LYRM4: variants seen among roughly 807,000 people sequenced by gnomAD.
LYRM4 encodes the protein LYR motif containing 4, also known as LYR motif-containing protein 4.
Under a neutral mutation model 11.7 loss-of-function variants are expected in LYRM4, and 9 were observed. That is an observed-to-expected ratio of 0.77 (90% CI 0.46 to 1.34). LYRM4 has a LOEUF of 1.34. LYRM4 is among the 40% of genes most tolerant of loss of function. The probability of loss-of-function intolerance (pLI) is 0.00; values close to 1 mark genes in which losing one functional copy is unlikely to be tolerated. For missense variants in LYRM4, 133 were observed against 112.5 expected (o/e 1.18, Z -0.82); for synonymous variants, 42 against 40.4 (o/e 1.04, Z -0.15).
chr6:5,055,721 A>G, the LYRM4 span, among the ~76,000 whole-genome samples: 3 of 152,158 alleles, frequency 2.0e-5, no homozygotes, highest in Non-Finnish European at 2.9e-5. This position sits in a 1 kb window ranked among gnomAD's most constrained non-coding sequence, Gnocchi z 4.5. Flanking sequence ...AAGTGGGAGA[A>G]AGGATCCTTA....
At chr6:5,072,803 T>C in the LYRM4 span, among the ~76,000 whole-genome samples, 82 of 152,230 alleles carry the variant, frequency 5.4e-4, no homozygotes, top group African/African-American at 1.9e-3. Context: ...GCCTGAAGCT[T>C]TTCTAATTAT....
At chr6:5,159,033 G>A (rs560734568) in intron 2 of LYRM4, among the ~76,000 whole-genome samples, 2 of 152,350 alleles carry the variant, frequency 1.3e-5, no homozygotes, top group South Asian at 4.1e-4. Flanking sequence ...TGGGATCATG[G>A]AAATTCTAAT....
chr6:5,106,573 T>C (rs685187), downstream of LYRM4: 54,193 of 151,990 alleles, frequency 0.36, 10,572 homozygotes, highest in African/African-American at 0.51. Context: ...CCTAAAGCAA[T>C]CTAGCCAATT....
chr6:5,220,472 A>T (rs1762518971), intron 1 of LYRM4, among the ~76,000 whole-genome samples: 2 of 152,164 alleles, frequency 1.3e-5, no homozygotes, highest in African/African-American at 4.8e-5. Context: ...GTATCCTAGG[A>T]ACAATAAAAG....
the LYRM4 span, among the ~76,000 whole-genome samples, chr6:5,063,385 C>T: frequency 2.0e-5 from 3 of 151,928 alleles, no homozygotes; most frequent in East Asian, 1.9e-4. Context: ...GTTAGCCAAC[C>T]GCCCATTTCC....
the LYRM4 span, among the ~76,000 whole-genome samples, chr6:5,058,530 C>G: frequency 2.0e-5 from 3 of 152,218 alleles, no homozygotes; most frequent in Non-Finnish European, 2.9e-5. Context: ...CCTGGATTCT[C>G]TCTGTCCTCC....
At chr6:5,147,806 C>T (rs1420037227) in intron 2 of LYRM4, among the ~76,000 whole-genome samples, 3 of 152,082 alleles carry the variant, frequency 2.0e-5, no homozygotes, top group African/African-American at 4.8e-5. Context: ...TCTGTCTCAT[C>T]GCTCCTTCCT....
intron 2 of LYRM4, among the ~76,000 whole-genome samples, chr6:5,124,890 C>A (rs1410161569): frequency 1.3e-5 from 2 of 152,212 alleles, no homozygotes; most frequent in African/African-American, 4.8e-5. Context: ...CCATCCAGCA[C>A]CAGCCACACT....
At chr6:5,101,968 C>CATTTTTTTTTTTTTTTTTTTTTTTTTTT (rs556454653), downstream of LYRM4, among the ~76,000 whole-genome samples, 3 of 67,988 alleles carry the variant, frequency 4.4e-5, no homozygotes, top group Admixed American at 2.0e-4. Context: ...CTAATGCTTT[C>CATTTTTTTTTTTTTTTTTTTTTTTTTTT]TTTTTTTTTT....
chr6:5,245,112 AAATATATATATATATATATATATATATAT>A (rs1417498676), intron 1 of LYRM4, among the ~76,000 whole-genome samples: 6 of 31,972 alleles, frequency 1.9e-4, no homozygotes, highest in East Asian at 8.2e-4. Flanking sequence ...AAAAAAAAAA[AAATATATATATATATATATATATATATAT>A]ATATATATAT....
At chr6:5,206,381 A>G (rs552355511) in intron 2 of LYRM4, among the ~76,000 whole-genome samples, 1 of 152,190 alleles carries the variant, frequency 6.6e-6, no homozygotes, top group Non-Finnish European at 1.5e-5. Flanking sequence ...TTGGGCCCCC[A>G]TGGCCTAGCT....
chr6:5,192,797 G>A (rs1488521719), intron 2 of LYRM4, among the ~76,000 whole-genome samples: 2 of 152,208 alleles, frequency 1.3e-5, no homozygotes, highest in African/African-American at 2.4e-5. Flanking sequence ...AGGCCGAGGC[G>A]GGCGGATCAC....
chr6:5,185,048 T>A (rs766539942), intron 2 of LYRM4, among the ~76,000 whole-genome samples: 8 of 152,174 alleles, frequency 5.3e-5, no homozygotes, highest in Non-Finnish European at 1.2e-4. Context: ...TGAAGTCCCT[T>A]CCTCCTTGCC....
intron 2 of LYRM4, among the ~76,000 whole-genome samples, chr6:5,212,088 A>G (rs1272344413): frequency 6.6e-6 from 1 of 152,250 alleles, no homozygotes; most frequent in African/African-American, 2.4e-5. Flanking sequence ...CAGGGAAGGA[A>G]GGTGCCTCAG....
At chr6:5,059,064 G>A in the LYRM4 span, among the ~76,000 whole-genome samples, 1 of 152,160 alleles carries the variant, frequency 6.6e-6, no homozygotes, top group East Asian at 1.9e-4. Flanking sequence ...TATATGGCCA[G>A]GCATGGTGGC....
chr6:5,125,569 G>T (rs1389337104), intron 2 of LYRM4, among the ~76,000 whole-genome samples: 1 of 152,216 alleles, frequency 6.6e-6, no homozygotes, highest in African/African-American at 2.4e-5. Context: ...TGGCAGAAGA[G>T]GAACAAGAAT....
At chr6:5,222,670 T>C (rs1399269310) in intron 1 of LYRM4, among the ~76,000 whole-genome samples, 1 of 151,566 alleles carries the variant, frequency 6.6e-6, no homozygotes, top group Admixed American at 6.6e-5. Flanking sequence ...TGATTGTATG[T>C]AAATTATTCC....
At chr6:5,040,277 AC>A in the LYRM4 span, among the ~76,000 whole-genome samples, 5 of 151,776 alleles carry the variant, frequency 3.3e-5, no homozygotes, top group Admixed American at 3.3e-4. Flanking sequence ...ATGCCAGTGC[AC>A]CCCAGCCTGG....
At chr6:5,045,793 C>G in the LYRM4 span, among the ~76,000 whole-genome samples, 2 of 151,080 alleles carry the variant, frequency 1.3e-5, no homozygotes, top group Admixed American at 1.3e-4. Context: ...AGAGGTGTCT[C>G]AAAAGAAAAA....
Sources: gnomAD v4.1 joint callset for allele counts (sites outside exome capture counted in the v4.1 genomes callset) on GRCh38, gnomAD v4.1.1 for gene constraint, Gnocchi (gnomAD v3.1) non-coding constraint, MANE v1.5 for transcripts, NCBI Gene and HGNC (gene_info 2026-07-23, HGNC 2026-07-21) for gene names.